PDE10A: variants seen among roughly 807,000 people sequenced by gnomAD.
The protein encoded by PDE10A is phosphodiesterase 10A, also known as cAMP and cAMP-inhibited cGMP 3',5'-cyclic phosphodiesterase 10A.
In PDE10A, 39 loss-of-function variants were observed where a neutral mutation model predicts 97.7. That is an observed-to-expected ratio of 0.40 (90% CI 0.31 to 0.52). PDE10A has a LOEUF of 0.52. Among genes scored for constraint, PDE10A ranks in the 20% least tolerant of loss-of-function variants. The probability of loss-of-function intolerance (pLI) is 0.56; values close to 1 mark genes in which losing one functional copy is unlikely to be tolerated. For synonymous variants in PDE10A, 371 were observed against 376.8 expected (o/e 0.98, Z 0.18); for missense variants, 731 against 1,047.8 (o/e 0.70, Z 4.17).
chr6:165,714,431 T>A (rs562695172), intron 1 of PDE10A, among the ~76,000 whole-genome samples: 3 of 152,340 alleles, frequency 2.0e-5, no homozygotes, highest in South Asian at 4.1e-4. Context: ...GATTTCTGAA[T>A]CTAAACACCA....
In PDE10A at chr6:165,327,370, AT is replaced by A. The variant is rs1781104288; in HGVS notation, c.*5654del. On this transcript the variant is annotated 3_prime_UTR_variant, in exon 22 of 22. Coordinates refer to ENST00000539869, the MANE Select transcript of PDE10A (RefSeq NM_001385079.1). ...GAACATTTCTAAATATATTTCATGT[AT>A]CATACATATATATATTTTATGTGTA... 6.6e-6 allele frequency: 1 copy of A among 152,216 alleles called. No individual in the cohort carries two copies. Among genetic ancestry groups the A allele is most frequent in the South Asian group, 2.1e-4 (1 of 4,834 alleles). 9.4% of individuals were successfully genotyped at this position (152,216 alleles called of 1,614,324 possible). A position where few individuals can be genotyped will look rare whatever the true frequency, so the allele number is the denominator to read the frequency against.
At chr6:165,873,756 A>G (rs73264360) in intron 1 of PDE10A, among the ~76,000 whole-genome samples, 3,156 of 152,356 alleles carry the variant, frequency 0.021, 114 homozygotes, top group African/African-American at 0.073. Flanking sequence ...GAATAAAAAA[A>G]TAAGTTAAGC....
chr6:165,515,306 G>A (rs1781728449), intron 2 of PDE10A, among the ~76,000 whole-genome samples: 1 of 151,962 alleles, frequency 6.6e-6, no homozygotes, highest in Non-Finnish European at 1.5e-5. Context: ...CTTCTATAGT[G>A]CTTTTATTTG....
intron 1 of PDE10A, among the ~76,000 whole-genome samples, chr6:165,623,611 C>T (rs1788250745): frequency 6.6e-6 from 1 of 152,068 alleles, no homozygotes; most frequent in African/African-American, 2.4e-5. Context: ...ATATTTTAAA[C>T]TTACTTCAGG....
chr6:165,428,138 T>C (rs571714985), intron 10 of PDE10A, among the ~76,000 whole-genome samples: 32 of 152,146 alleles, frequency 2.1e-4, no homozygotes, highest in Non-Finnish European at 4.3e-4. Flanking sequence ...GGCCTGGGCA[T>C]GCATGGCATC....
At chr6:165,823,495 T>TGAACCTTA (rs1779632289) in intron 1 of PDE10A, among the ~76,000 whole-genome samples, 3 of 79,984 alleles carry the variant, frequency 3.8e-5, no homozygotes, top group Non-Finnish European at 5.8e-5. Flanking sequence ...TATATATATA[T>TGAACCTTA]ATATATATAT....
intron 6 of PDE10A, among the ~76,000 whole-genome samples, chr6:165,434,004 G>A (rs922163084): frequency 8.4e-5 from 10 of 119,122 alleles, no homozygotes; most frequent in East Asian, 5.0e-4. Flanking sequence ...GCGACACAGC[G>A]AGACTCCGTC....
In PDE10A at chr6:165,661,885, C is replaced by A. The variant is rs1790285324; in HGVS notation, c.865+62G>T. On this transcript the variant is annotated intron_variant, in intron 1 of 21. Coordinates refer to ENST00000539869, the MANE Select transcript of PDE10A (RefSeq NM_001385079.1). This position sits in a 1 kb window ranked among gnomAD's most constrained non-coding sequence, Gnocchi z 4.8. ...TTCCCACCCAGCAGTCCAAGCCCCC[C>A]ACCTGCCCCCAGGGGATGAGGAGCC... is the stretch of plus-strand genomic sequence containing the variant. 5 of 743,740 alleles carry A rather than the reference C, an allele frequency of 6.7e-6. No homozygotes were observed. The highest frequency in any genetic ancestry group is 6.1e-5 in the East Asian group (2 of 33,028). 46.1% of individuals were successfully genotyped at this position (743,740 alleles called of 1,614,324 possible).
At chr6:165,447,859 AT>A (rs1451926461) in intron 5 of PDE10A, among the ~76,000 whole-genome samples, 1 of 152,196 alleles carries the variant, frequency 6.6e-6, no homozygotes, top group Non-Finnish European at 1.5e-5. Context: ...TAAGCCTTTC[AT>A]TTTTGAGGTA....
intron 1 of PDE10A, among the ~76,000 whole-genome samples, chr6:165,608,208 C>T (rs1420934450): frequency 2.7e-5 from 4 of 149,818 alleles, no homozygotes. Context: ...GTGTGCTGTA[C>T]CCATTAACTC....
At chr6:165,381,474 A>G in intron 17 of PDE10A, among the ~76,000 whole-genome samples, 1 of 152,042 alleles carries the variant, frequency 6.6e-6, no homozygotes, top group Admixed American at 6.6e-5. Flanking sequence ...AAAAATAAAT[A>G]TCTCCCTTTT....
At chr6:165,598,414 G>A (rs1786731082) in intron 1 of PDE10A, among the ~76,000 whole-genome samples, 1 of 152,146 alleles carries the variant, frequency 6.6e-6, no homozygotes, top group African/African-American at 2.4e-5. Flanking sequence ...GGCATTTTTA[G>A]CAAAACTGTC....
chr6:165,662,569 G>A lies in PDE10A; in HGVS notation c.243C>T (p.Pro81=), dbSNP rs1363520522. 1 of 147,184 alleles carries A rather than the reference G, an allele frequency of 6.8e-6. No individual in the cohort carries two copies. The highest frequency in any genetic ancestry group is 1.5e-5 in the Non-Finnish European group (1 of 66,458). The allele number at this position is 147,184 out of a possible 1,614,324, so 9.1% of individuals were successfully genotyped here. A position where few individuals can be genotyped will look rare whatever the true frequency, so the allele number is the denominator to read the frequency against. ...CGCCGCCGCGCGCAGAGAGGGCGCC[G>A]GGGCCCCCAGCGGGGCTGGGGCGGC... ...SAGRPSPAGG[P]GALSARGGGC... The change falls in exon 1 of 22, where the codon CCC becomes CCT. Residue 81 remains proline (P), a synonymous_variant. Transcript: ENST00000539869.
At chr6:165,931,254 C>T (rs1360400950) in intron 1 of PDE10A, among the ~76,000 whole-genome samples, 1 of 152,208 alleles carries the variant, frequency 6.6e-6, no homozygotes, top group African/African-American at 2.4e-5. Context: ...TCCTTGGCTG[C>T]AGTCATTATT....
intron 5 of PDE10A, among the ~76,000 whole-genome samples, chr6:165,446,110 A>C (rs1420416039): frequency 6.6e-6 from 1 of 152,212 alleles, no homozygotes; most frequent in Non-Finnish European, 1.5e-5. Context: ...TGAAAACCAA[A>C]ATAAATTTAA....
At chr6:165,614,136 C>T (rs1787620620) in intron 1 of PDE10A, among the ~76,000 whole-genome samples, 1 of 152,236 alleles carries the variant, frequency 6.6e-6, no homozygotes. Flanking sequence ...CTCCTAAACA[C>T]TTTGCTGGTT....
At position 165,662,901 on chromosome 6, in the gene PDE10A, C is replaced by A. The variant is rs1183634259; in HGVS notation, c.-90G>T. 6.6e-6 allele frequency among the ~76,000 whole-genome samples: 1 copy of A among 151,114 alleles called. No homozygotes were observed. The highest frequency in any genetic ancestry group is 1.5e-5 in the Non-Finnish European group (1 of 67,584). ...GTGGGCTCCGCCCCCGCAGGACCTG[C>A]CCACCCCTGCCGGCCGCCCGAACCG... On this transcript the variant is annotated 5_prime_UTR_variant, in exon 1 of 22. Coordinates refer to ENST00000539869, the MANE Select transcript of PDE10A (RefSeq NM_001385079.1).
chr6:165,701,659 G>GTGTGTA (rs1791573886), intron 1 of PDE10A, among the ~76,000 whole-genome samples: 1 of 116,830 alleles, frequency 8.6e-6, no homozygotes, highest in Non-Finnish European at 1.8e-5. Flanking sequence ...GTGTGTGTGT[G>GTGTGTA]TGTGCATGTA....
chr6:165,739,016 T>G (rs1315854872), intron 1 of PDE10A, among the ~76,000 whole-genome samples: 2 of 152,204 alleles, frequency 1.3e-5, no homozygotes, highest in African/African-American at 4.8e-5. Flanking sequence ...TGGAAAGATA[T>G]CCTGTCTTCA....
Sources: allele counts gnomAD v4.1 joint callset (sites outside exome capture counted in the v4.1 genomes callset), GRCh38; gene constraint gnomAD v4.1.1; non-coding constraint Gnocchi (gnomAD v3.1); transcripts MANE v1.5; gene names NCBI Gene and HGNC (gene_info 2026-07-23, HGNC 2026-07-21).